SH3BP1: variants seen among roughly 807,000 people sequenced by gnomAD.
SH3BP1 encodes SH3 domain binding protein 1.
A neutral mutation model predicts 69.8 loss-of-function variants in SH3BP1; 46 were observed. The observed-to-expected ratio is 0.66, with a 90% CI of 0.52 to 0.84. The LOEUF (loss-of-function observed/expected upper bound fraction) is 0.84, where lower values mean the gene tolerates loss of function less well. Ranked by LOEUF, SH3BP1 falls within the 40% of genes least tolerant of loss-of-function variation. The pLI is 0.00. For synonymous variants in SH3BP1, 403 were observed against 378.0 expected (o/e 1.07, Z -0.77); for missense variants, 868 against 930.9 (o/e 0.93, Z 0.88).
intron 3 of SH3BP1, 169 bp from the exon 4 acceptor site, chr22:37,642,370 C>T (rs1316951805): frequency 3.2e-6 from 2 of 628,686 alleles, no homozygotes; most frequent in Admixed American, 5.3e-5. Context: ...TCCATCCATG[C>T]TCTCAGGGAA....
intron 14 of SH3BP1, chr22:37,648,697 GTTC>G (rs780238712): frequency 3.2e-5 from 10 of 316,588 alleles, no homozygotes; most frequent in Admixed American, 1.4e-4. Flanking sequence ...CAGAGATCGG[GTTC>G]TTTTTTTTTT....
chr22:37,648,169 G>A (rs1932816008), intron 13 of SH3BP1, 150 bp from the exon 14 acceptor site: 1 of 636,028 alleles, frequency 1.6e-6, no homozygotes, highest in Admixed American at 2.4e-5. Context: ...CCCACTGCAG[G>A]GTTGGCACTC....
chr22:37,641,880 CAT>C lies in SH3BP1; in HGVS notation c.207+405_207+406del, dbSNP rs1932610425. On this transcript the variant is annotated intron_variant, in intron 3 of 17. Transcript: ENST00000649765. ...CTGATAACCGCCAGCTTGTTACTAA[CAT>C]ATGAGTGCACTGTCTCATGGAACAC... 1.9e-5 allele frequency: 4 copies of C among 211,892 alleles called. No homozygotes were observed. The South Asian group carries it at 2.8e-4, about 15-fold the overall frequency. 13.1% of individuals were successfully genotyped at this position (211,892 alleles called of 1,614,324 possible). A position where few individuals can be genotyped will look rare whatever the true frequency, so the allele number is the denominator to read the frequency against.
At position 37,655,110 on chromosome 22, in the gene SH3BP1, G is replaced by T. The variant is rs539412599; in HGVS notation, c.1694-162G>T. On this transcript the variant is annotated intron_variant, in intron 17 of 17. Transcript: ENST00000649765. The stretch of plus-strand genomic sequence containing the variant: ...CGGGGAGGGCCTCCAAGGGGGCAAA[G>T]GGCACAAGGAGAGGCCTAGACGATG... Among the ~76,000 whole-genome samples the T allele has an allele frequency of 1.6e-4, 25 of 152,302 alleles. No homozygotes were observed. In the East Asian group the frequency reaches 3.9e-3, roughly 24 times the overall value.
chr22:37,648,927 TCTC>T (rs1932830755), intron 14 of SH3BP1: 1 of 160,834 alleles, frequency 6.2e-6, no homozygotes, highest in African/African-American at 2.4e-5. Context: ...GTGGTCTCGA[TCTC>T]CTCAGCTCGT....
At chr22:37,640,995 C>T in intron 1 of SH3BP1, 131 bp from the exon 2 acceptor site, 1 of 696,716 alleles carries the variant, frequency 1.4e-6, no homozygotes, top group Non-Finnish European at 2.6e-6. Flanking sequence ...CCAGGGCAGG[C>T]CTCAGCTGGG....
intron 16 of SH3BP1, among the ~76,000 whole-genome samples, chr22:37,651,520 G>A (rs1932879213): frequency 6.6e-6 from 1 of 151,712 alleles, no homozygotes; most frequent in Admixed American, 6.6e-5. Context: ...AGTAGAGACA[G>A]GGTTACCCCA....
At chr22:37,642,765 G>A (rs757780425) in intron 4 of SH3BP1, 130 bp from the exon 5 acceptor site, 1 of 1,597,988 alleles carries the variant, frequency 6.3e-7, no homozygotes, top group African/African-American at 1.3e-5. Context: ...GGCCTGGGAG[G>A]GTGTTCAGCT....
At position 37,655,948 on chromosome 22, in the gene SH3BP1, GA is replaced by G; in HGVS notation, c.*266del. ...CAGGTCCTAGGGGAGCCACCGGAAG[GA>G]AGGAGAGGTTTGCCTGCTCCTACGG... On this transcript the variant is annotated 3_prime_UTR_variant, in exon 18 of 18. Transcript: ENST00000649765. The G allele has an allele frequency of 1.3e-6, 2 of 1,561,140 alleles. No individual in the cohort carries two copies. The highest frequency in any genetic ancestry group is 2.7e-5 in the African/African-American group (2 of 74,262).
Position 37,644,636 on chromosome 22 carries a change from G to A in SH3BP1, c.619-1G>A, listed in dbSNP as rs1932749070. 5.6e-6 allele frequency: 9 copies of A among 1,614,012 alleles called. No homozygotes were observed. Among genetic ancestry groups the A allele is most frequent in the Non-Finnish European group, 7.6e-6 (9 of 1,179,980 alleles). ...TAAGCTCTCCCCTCTCTGTCCCCAA[G>A]GACGAGTACTTGGCTGACCTGTACC... On this transcript the variant is annotated splice_acceptor_variant, in intron 7 of 17. Transcript: ENST00000649765. LOFTEE classifies it high-confidence loss of function.
At chr22:37,644,505 G>A in intron 7 of SH3BP1, 132 bp from the exon 8 acceptor site, 1 of 872,420 alleles carries the variant, frequency 1.1e-6, no homozygotes, top group East Asian at 2.4e-5. Context: ...TTGGCAGAGA[G>A]AGGAGCCTGG....
intron 11 of SH3BP1, 96 bp downstream of exon 11, chr22:37,647,025 T>A: frequency 1.2e-6 from 1 of 849,476 alleles, no homozygotes; most frequent in South Asian, 1.8e-5. Context: ...AGACTTGATA[T>A]TCTGTTGAGA....
At chr22:37,652,545 C>T (rs1356471117) in intron 16 of SH3BP1, among the ~76,000 whole-genome samples, 3 of 151,724 alleles carry the variant, frequency 2.0e-5, no homozygotes, top group African/African-American at 7.3e-5. Context: ...AAGAAATGGC[C>T]AGGTGTGGTG....
rs73887021 is a variant in SH3BP1 at position 37,650,310 on chromosome 22, C to G, written c.1414+61C>G. ...GCCCTCCTTCTGCCCTGCTCCCTCC[C>G]CTGTAGCCCCACAAACTCACCATAA... On this transcript the variant is annotated intron_variant, in intron 15 of 17. Coordinates refer to ENST00000649765, the MANE Select transcript of SH3BP1 (RefSeq NM_018957.6). 7.9e-3 allele frequency: 12,131 copies of G among 1,539,496 alleles called. 864 individuals carry two copies. In the African/African-American group the frequency reaches 0.15, roughly 19 times the overall value.
intron 10 of SH3BP1, 114 bp from the exon 11 acceptor site, chr22:37,646,704 A>G (rs1357067292): frequency 3.8e-6 from 2 of 519,592 alleles, no homozygotes; most frequent in Non-Finnish European, 6.5e-6. Context: ...CAGCCAGACC[A>G]GCGGGGACAC....
Position 37,641,107 on chromosome 22 carries a change from C to CA in SH3BP1, c.60-19_60-18insA, listed in dbSNP as rs755011439. ...CTCAGCAGAAGCACTCTCCCCCCCCCCCCCACCACTCCCCGCAGCACCCCG... is the reference window on the plus strand; with the variant it reads ...CTCAGCAGAAGCACTCTCCCCCCCCCACCCCACCACTCCCCGCAGCACCCCG... On this transcript the variant is annotated intron_variant, in intron 1 of 17. Transcript: ENST00000649765. 30 of 1,363,196 alleles carry CA rather than the reference C, an allele frequency of 2.2e-5. No homozygotes were observed. The highest frequency in any genetic ancestry group is 1.7e-4 in the South Asian group (13 of 74,574). The allele number at this position is 1,363,196 out of a possible 1,614,324, so 84.4% of individuals were successfully genotyped here.
rs770581410 is a variant in SH3BP1, at chr22:37,655,457, C to G, written c.1879C>G (p.Pro627Ala). The G allele has an allele frequency of 2.3e-6, 3 of 1,305,712 alleles. No homozygotes were observed. Among genetic ancestry groups the G allele is most frequent in the African/African-American group, 1.5e-5 (1 of 65,392 alleles). The allele number at this position is 1,305,712 out of a possible 1,614,324, so 80.9% of individuals were successfully genotyped here. A position where few individuals can be genotyped will look rare whatever the true frequency, so the allele number is the denominator to read the frequency against. ...PTVPPPLPPT[P>A]PQPARRQSRR... The stretch of plus-strand genomic sequence containing the variant: ...AGTGCCACCCCCGTTACCCCCCACA[C>G]CCCCTCAGCCTGCCCGGCGCCAAAG... The change falls in exon 18 of 18, where the codon CCC becomes GCC. Residue 627 changes from proline (P) to alanine (A), a missense_variant. This residue lies in a region of SH3BP1 where 474 missense variants were observed against 462.3 expected (regional missense o/e 1.03). Coordinates refer to ENST00000649765, the MANE Select transcript of SH3BP1 (RefSeq NM_018957.6).
At chr22:37,641,729 C>T (rs1932605884) in intron 3 of SH3BP1, 3 of 492,250 alleles carry the variant, frequency 6.1e-6, no homozygotes, top group Non-Finnish European at 1.1e-5. Flanking sequence ...CTGAACTTCT[C>T]TGTCCAATCA....
rs771855690 is a variant in SH3BP1, at chr22:37,655,451, C to T, written c.1873C>T (p.Pro625Ser). 1.5e-6 allele frequency: 2 copies of T among 1,314,478 alleles called. No individual in the cohort carries two copies. Among genetic ancestry groups the T allele is most frequent in the South Asian group, 1.4e-5 (1 of 73,264 alleles). The allele number at this position is 1,314,478 out of a possible 1,614,324, so 81.4% of individuals were successfully genotyped here. A position where few individuals can be genotyped will look rare whatever the true frequency, so the allele number is the denominator to read the frequency against. Residue 625 changes from proline (P) to serine (S), a missense_variant, in exon 18 of 18, where the codon CCC becomes TCC. This residue lies in a region of SH3BP1 where 474 missense variants were observed against 462.3 expected (regional missense o/e 1.03). Coordinates refer to ENST00000649765, the MANE Select transcript of SH3BP1 (RefSeq NM_018957.6). ...RAPTVPPPLP[P>S]TPPQPARRQS... ...CCCCACAGTGCCACCCCCGTTACCC[C>T]CCACACCCCCTCAGCCTGCCCGGCG...
Sources: gnomAD v4.1 joint callset for allele counts (sites outside exome capture counted in the v4.1 genomes callset) on GRCh38, gnomAD v4.1.1 for gene constraint, gnomAD v4.1.1 regional missense constraint, MANE v1.5 for transcripts, NCBI Gene and HGNC (gene_info 2026-07-23, HGNC 2026-07-21) for gene names.